Variants in ETV5 observed in about 807,000 individuals in gnomAD.
ETV5 encodes the protein ETS translocation variant 5.
In ETV5, 10 loss-of-function variants were observed where a neutral mutation model predicts 70.0. The ratio of observed to expected loss-of-function variants is 0.14; its 90% CI spans 0.09 to 0.24. ETV5 has a LOEUF of 0.24. Ranked by LOEUF, ETV5 falls within the 10% of genes least tolerant of loss-of-function variation. The pLI is 1.00. For missense variants in ETV5, 453 were observed against 651.2 expected (o/e 0.70, Z 3.31); for synonymous variants, 216 against 242.2 (o/e 0.89, Z 1.01).
Position 186,088,686 on chromosome 3 carries a change from C to T in ETV5, c.233-7511G>A, listed in dbSNP as rs138073380. ...GGGACATGGAAAAATAACAAGGACA[C>T]TGGCAAAACAGAACCGAAAAATCCA... On this transcript the variant is annotated intron_variant, in intron 5 of 12. Transcript: ENST00000306376. Among the ~76,000 whole-genome samples, 423 of 152,278 alleles carry T rather than the reference C, an allele frequency of 2.8e-3. 1 individual carries two copies. The highest frequency in any genetic ancestry group is 0.01 in the Middle Eastern group (3 of 294).
In ETV5 at chr3:186,077,920, C is replaced by T. The variant is rs532715378; in HGVS notation, c.650+1897G>A. 1.2e-5 allele frequency: 10 copies of T among 836,728 alleles called. No homozygotes were observed. In the Admixed American group the frequency reaches 4.9e-4, roughly 41 times the overall value. The allele number at this position is 836,728 out of a possible 1,614,324, so 51.8% of individuals were successfully genotyped here. A position where few individuals can be genotyped will look rare whatever the true frequency, so the allele number is the denominator to read the frequency against. On this transcript the variant is annotated intron_variant, in intron 7 of 12. Coordinates refer to ENST00000306376, the MANE Select transcript of ETV5 (RefSeq NM_004454.3). ...ATTTTAGACCCATCAGTCTCAAAGGCAGAGTATAACAAGAAGTAAGTCCAA... is the reference window on the plus strand; with the variant it reads ...ATTTTAGACCCATCAGTCTCAAAGGTAGAGTATAACAAGAAGTAAGTCCAA...
intron 11 of ETV5, among the ~76,000 whole-genome samples, chr3:186,055,380 T>A (rs892319864): frequency 3.3e-5 from 5 of 152,128 alleles, no homozygotes; most frequent in African/African-American, 9.7e-5. Flanking sequence ...AGGAGAGGCA[T>A]GGGTCGGCGT....
At position 186,079,857 on chromosome 3, in the gene ETV5, G is replaced by A. The variant is rs1251428977; in HGVS notation, c.610C>T (p.Pro204Ser). The A allele has an allele frequency of 2.5e-6, 4 of 1,609,212 alleles. No individual in the cohort carries two copies. The highest frequency in any genetic ancestry group is 1.3e-5 in the African/African-American group (1 of 74,518). The change falls in exon 7 of 13, where the codon CCA (proline) becomes TCA (serine). Residue 204 changes from proline to serine, a missense_variant. This residue lies in a region of ETV5 where 307 missense variants were observed against 344.9 expected (regional missense o/e 0.89). Coordinates refer to ENST00000306376, the MANE Select transcript of ETV5 (RefSeq NM_004454.3). ...TACTGGTTTTCAGGCATCATCTTTGGCATCTGCAGGGGCTGATGTGGTGGT... is the reference window on the plus strand; with the variant it reads ...TACTGGTTTTCAGGCATCATCTTTGACATCTGCAGGGGCTGATGTGGTGGT... ...PRPPHQPLQM[P>S]KMMPENQYPS...
intron 5 of ETV5, chr3:186,084,282 TA>T (rs11327778): frequency 0.17 from 35,912 of 215,800 alleles, 816 homozygotes; most frequent in East Asian, 0.35. Flanking sequence ...AAAGAAATGC[TA>T]AAAAAAAAAA....
intron 1 of ETV5, chr3:186,108,720 T>C (rs1047426948): frequency 1.8e-6 from 2 of 1,095,616 alleles, no homozygotes; most frequent in Non-Finnish European, 2.3e-6. Flanking sequence ...CTCCCCGCGC[T>C]CCGGAACCGT....
chr3:186,091,018 T>C (rs1402796476), intron 5 of ETV5, among the ~76,000 whole-genome samples: 1 of 152,066 alleles, frequency 6.6e-6, no homozygotes, highest in African/African-American at 2.4e-5. Context: ...TGGACCTTAG[T>C]GTGGAATCAA....
At chr3:186,055,924 T>C (rs1274765850) in intron 11 of ETV5, among the ~76,000 whole-genome samples, 1 of 152,226 alleles carries the variant, frequency 6.6e-6, no homozygotes, top group African/African-American at 2.4e-5. Flanking sequence ...CCTTTTGATC[T>C]GCTGGTTTAA....
In ETV5 at chr3:186,066,022, C is replaced by G. The variant is rs749793277; in HGVS notation, c.701G>C (p.Gly234Ala). The G allele has an allele frequency of 2.5e-6, 4 of 1,609,968 alleles. No individual in the cohort carries two copies. The highest frequency in any genetic ancestry group is 1.1e-5 in the South Asian group (1 of 90,554). The change falls in exon 8 of 13, where the codon GGA becomes GCA. Residue 234 changes from glycine (G) to alanine (A), a missense_variant. Physicochemically the swap from Gly to Ala is moderately conservative, Grantham distance 60. This residue lies in a region of ETV5 where 307 missense variants were observed against 344.9 expected (regional missense o/e 0.89). Transcript: ENST00000306376. ...EPCHPFPPQPGVPGDNRPSYH... is the reference protein window; with the variant it reads ...EPCHPFPPQPAVPGDNRPSYH... ...ACTGGGGCGATTATCTCCAGGAACT[C>G]CTGGCTGAGGAGGGAAGGGGTGGCA...
rs545984739 is a variant in ETV5 at position 186,054,287 on chromosome 3, G to C, written c.1210-2156C>G. 5.3e-4 allele frequency among the ~76,000 whole-genome samples: 81 copies of C among 152,244 alleles called. No individual in the cohort carries two copies. The highest frequency in any genetic ancestry group is 2.4e-3 in the Admixed American group (37 of 15,290). ...TTCTTCTCTCTCATTAGTTACTTTG[G>C]TAGCACGTATCTTGAGGACTGAGGC... On this transcript the variant is annotated intron_variant, in intron 11 of 12. Coordinates refer to ENST00000306376, the MANE Select transcript of ETV5 (RefSeq NM_004454.3). The surrounding 1 kb of genome is among the most constrained non-coding windows in gnomAD (Gnocchi z 4.4).
intron 9 of ETV5, among the ~76,000 whole-genome samples, chr3:186,060,124 C>T (rs759897077): frequency 5.9e-5 from 9 of 152,184 alleles, no homozygotes; most frequent in Non-Finnish European, 1.3e-4. Flanking sequence ...AAAGTCATTA[C>T]AAGCGAACTA....
Position 186,054,293 on chromosome 3 carries a change from C to T in ETV5, c.1210-2162G>A, listed in dbSNP as rs138258909. The stretch of plus-strand genomic sequence containing the variant: ...TCTCTCATTAGTTACTTTGGTAGCA[C>T]GTATCTTGAGGACTGAGGCTGAAGG... On this transcript the variant is annotated intron_variant, in intron 11 of 12. Transcript: ENST00000306376. This position sits in a 1 kb window ranked among gnomAD's most constrained non-coding sequence, Gnocchi z 4.4. Among the ~76,000 whole-genome samples the T allele has an allele frequency of 7.9e-4, 121 of 152,272 alleles. 3 individuals are homozygous for T. The East Asian group carries it at 0.02, about 25-fold the overall frequency.
intron 5 of ETV5, among the ~76,000 whole-genome samples, chr3:186,083,670 T>C (rs1713985701): frequency 6.6e-6 from 1 of 152,252 alleles, no homozygotes; most frequent in Non-Finnish European, 1.5e-5. Context: ...ATATGTGGAA[T>C]AGTATATTCT....
intron 5 of ETV5, among the ~76,000 whole-genome samples, chr3:186,092,773 G>A (rs59084334): frequency 2.1e-4 from 32 of 152,182 alleles, no homozygotes; most frequent in African/African-American, 7.5e-4. Flanking sequence ...AACTGGTACC[G>A]AGAAGCAGTT....
At chr3:186,081,836 C>A (rs1051930784) in intron 5 of ETV5, among the ~76,000 whole-genome samples, 1 of 152,148 alleles carries the variant, frequency 6.6e-6, no homozygotes, top group South Asian at 2.1e-4. Flanking sequence ...TTTGTGCTTA[C>A]AACATCTGCT....
rs61308125 is a variant in ETV5, at chr3:186,086,804, G to GAA, written c.233-5631_233-5630dup. Among the ~76,000 whole-genome samples the GAA allele has an allele frequency of 1.0e-3, 126 of 121,102 alleles. 1 individual carries two copies. Among genetic ancestry groups the GAA allele is most frequent in the South Asian group, 3.0e-3 (11 of 3,658 alleles). 79.4% of individuals were successfully genotyped at this position (121,102 alleles called of 152,430 possible). ...AATTCCTGTCTCTACAAAAAGATAC[G>GAA]AAAAAAAAAAAAAAAAATTCAGCCA... is the stretch of plus-strand genomic sequence containing the variant. On this transcript the variant is annotated intron_variant, in intron 5 of 12. Transcript: ENST00000306376.
intron 5 of ETV5, among the ~76,000 whole-genome samples, chr3:186,100,288 C>T (rs778379032): frequency 3.3e-5 from 5 of 152,162 alleles, no homozygotes; most frequent in African/African-American, 4.8e-5. Flanking sequence ...CTTGTTTTCC[C>T]TCAAACCTCT....
chr3:186,049,298 C>A (rs914783192), intron 12 of ETV5, among the ~76,000 whole-genome samples: 1 of 152,160 alleles, frequency 6.6e-6, no homozygotes. Context: ...CTGATGAGAG[C>A]GAGCCTGCGC....
At chr3:186,079,329 A>G in intron 7 of ETV5, 1 of 230,176 alleles carries the variant, frequency 4.3e-6, no homozygotes, top group Non-Finnish European at 8.6e-6. Flanking sequence ...TCAAAAGCAG[A>G]TGTACAAATA....
At chr3:186,075,390 A>G (rs558136651) in intron 7 of ETV5, among the ~76,000 whole-genome samples, 1 of 152,360 alleles carries the variant, frequency 6.6e-6, no homozygotes, top group Non-Finnish European at 1.5e-5. Context: ...AAATTATTGT[A>G]CTACAAAATC....
Sources: gnomAD v4.1 joint callset for allele counts (sites outside exome capture counted in the v4.1 genomes callset) on GRCh38, gnomAD v4.1.1 for gene constraint, gnomAD v4.1.1 regional missense constraint, Gnocchi (gnomAD v3.1) non-coding constraint, MANE v1.5 for transcripts, NCBI Gene and HGNC (gene_info 2026-07-23, HGNC 2026-07-21) for gene names.